Variants in FRK observed in about 807,000 individuals in gnomAD.
FRK encodes fyn related Src family tyrosine kinase, also known as tyrosine-protein kinase FRK.
In FRK, 51 loss-of-function variants were observed where a neutral mutation model predicts 56.4. The ratio of observed to expected loss-of-function variants is 0.90; its 90% confidence interval spans 0.72 to 1.14. The LOEUF (loss-of-function observed/expected upper bound fraction) is 1.14, where lower values mean the gene tolerates loss of function less well. Ranked by LOEUF, FRK falls within the 50% of genes most tolerant of loss-of-function variation. The pLI is 0.00. For missense variants in FRK, 570 were observed against 601.4 expected (o/e 0.95, Z 0.55); for synonymous variants, 245 against 217.9 (o/e 1.12, Z -1.10).
intron 2 of FRK, among the ~76,000 whole-genome samples, chr6:115,987,509 T>C (rs904964642): frequency 6.6e-6 from 1 of 152,150 alleles, no homozygotes; most frequent in African/African-American, 2.4e-5. Flanking sequence ...TCCTCATTTC[T>C]ACTCTAACTC....
intron 1 of FRK, among the ~76,000 whole-genome samples, chr6:116,036,089 G>A (rs1776470325): frequency 6.6e-6 from 1 of 152,048 alleles, no homozygotes; most frequent in Middle Eastern, 3.2e-3. Flanking sequence ...AACAAGCAGT[G>A]GGAGAGCTGC....
the FRK span, among the ~76,000 whole-genome samples, chr6:116,068,108 C>T: frequency 3.9e-5 from 6 of 152,062 alleles, no homozygotes; most frequent in Non-Finnish European, 8.8e-5. Flanking sequence ...ACTAGCCTGA[C>T]ACTAGGGGAA....
upstream of FRK, among the ~76,000 whole-genome samples, chr6:116,062,652 T>C (rs549778654): frequency 3.3e-5 from 5 of 152,246 alleles, no homozygotes; most frequent in African/African-American, 4.8e-5. Context: ...ACCACAGTCA[T>C]TGAGCAAGTG....
chr6:116,034,926 G>A (rs1776414401), intron 1 of FRK, among the ~76,000 whole-genome samples: 1 of 152,076 alleles, frequency 6.6e-6, no homozygotes, highest in South Asian at 2.1e-4. Flanking sequence ...CATAGTGGAT[G>A]GAAATTGGGT....
At chr6:116,036,762 CA>C in intron 1 of FRK, among the ~76,000 whole-genome samples, 1 of 152,078 alleles carries the variant, frequency 6.6e-6, no homozygotes, top group African/African-American at 2.4e-5. Flanking sequence ...AACGTTACAA[CA>C]TAGATATCAA....
At chr6:116,070,324 G>A in the FRK span, among the ~76,000 whole-genome samples, 1 of 152,048 alleles carries the variant, frequency 6.6e-6, no homozygotes, top group African/African-American at 2.4e-5. Context: ...GGGTTGGGGG[G>A]CTGCATGGGT....
intron 1 of FRK, 37 bp from the exon 2 acceptor site, chr6:116,004,035 T>A: frequency 6.3e-7 from 1 of 1,580,794 alleles, no homozygotes; most frequent in Non-Finnish European, 8.6e-7. Flanking sequence ...AGTAACCAAT[T>A]AACATTCATT....
intron 2 of FRK, among the ~76,000 whole-genome samples, chr6:115,970,221 A>G (rs1396774149): frequency 6.6e-6 from 1 of 152,092 alleles, no homozygotes; most frequent in East Asian, 1.9e-4. Flanking sequence ...GACTTCCCAC[A>G]CACAGTTGAT....
chr6:115,995,040 C>T (rs1360960723), intron 2 of FRK, among the ~76,000 whole-genome samples: 3 of 152,160 alleles, frequency 2.0e-5, no homozygotes, highest in African/African-American at 7.2e-5. Context: ...AAAGCATCCT[C>T]CTATCTTCAA....
At position 115,990,700 on chromosome 6, in the gene FRK, G is replaced by C. The variant is rs559822683; in HGVS notation, c.466+13177C>G. Among the ~76,000 whole-genome samples, 4 of 151,982 alleles carry C rather than the reference G, an allele frequency of 2.6e-5. No homozygotes were observed. In the East Asian group the frequency reaches 7.7e-4, roughly 29 times the overall value. On this transcript the variant is annotated intron_variant, in intron 2 of 7. Transcript: ENST00000606080. ...GCCTTGTAATGTAGCATGAAGTTGG[G>C]TAATGTGATGCCTCCAACTTTGTTC...
intron 5 of FRK, among the ~76,000 whole-genome samples, chr6:115,951,018 AG>A (rs1451507993): frequency 6.6e-6 from 1 of 152,118 alleles, no homozygotes. Flanking sequence ...AGGGCCTGTC[AG>A]GGGGTGTTGA....
At chr6:116,031,522 G>T (rs981644688) in intron 1 of FRK, among the ~76,000 whole-genome samples, 6 of 152,202 alleles carry the variant, frequency 3.9e-5, no homozygotes, top group African/African-American at 1.4e-4. Flanking sequence ...GAACAATTTG[G>T]ATGGCAGAGA....
chr6:116,093,581 C>T, the FRK span, among the ~76,000 whole-genome samples: 16 of 152,220 alleles, frequency 1.1e-4, no homozygotes, highest in African/African-American at 3.9e-4. Flanking sequence ...AAGAAAGGGA[C>T]AAATTCCCTA....
chr6:116,011,304 G>A (rs1195608226), intron 1 of FRK, among the ~76,000 whole-genome samples: 1 of 152,052 alleles, frequency 6.6e-6, no homozygotes, highest in East Asian at 1.9e-4. Flanking sequence ...GAAGATAATT[G>A]CCTCTTACAC....
At chr6:116,018,289 C>CATGTATACATGGAATA (rs1775727602) in intron 1 of FRK, among the ~76,000 whole-genome samples, 1 of 152,162 alleles carries the variant, frequency 6.6e-6, no homozygotes, top group Admixed American at 6.6e-5. Flanking sequence ...CAATTAAGGC[C>CATGTATACATGGAATA]CATCTATTCC....
chr6:115,960,185 C>T (rs1428923261), intron 4 of FRK, among the ~76,000 whole-genome samples: 9 of 150,814 alleles, frequency 6.0e-5, no homozygotes, highest in African/African-American at 9.7e-5. Context: ...CCAGTGTGTG[C>T]GCGCACCGTG....
chr6:116,034,807 TTTATAA>T (rs1776408931), intron 1 of FRK, among the ~76,000 whole-genome samples: 1 of 152,156 alleles, frequency 6.6e-6, no homozygotes, highest in African/African-American at 2.4e-5. Context: ...GAGAGATTAT[TTTATAA>T]TTATGTTTGT....
chr6:116,008,066 C>G (rs1247372598), intron 1 of FRK, among the ~76,000 whole-genome samples: 2 of 152,048 alleles, frequency 1.3e-5, no homozygotes, highest in Non-Finnish European at 2.9e-5. Flanking sequence ...TATTATGTCT[C>G]CTATATATCA....
At chr6:115,958,859 T>G (rs1773208623) in intron 4 of FRK, among the ~76,000 whole-genome samples, 1 of 149,950 alleles carries the variant, frequency 6.7e-6, no homozygotes, top group Non-Finnish European at 1.5e-5. Context: ...AAAAGAAAAT[T>G]ATATATACAA....
Sources: allele counts gnomAD v4.1 joint callset (sites outside exome capture counted in the v4.1 genomes callset), GRCh38; gene constraint gnomAD v4.1.1; transcripts MANE v1.5; gene names NCBI Gene and HGNC (gene_info 2026-07-23, HGNC 2026-07-21).